RAD21: variants seen among roughly 807,000 people sequenced by gnomAD.
The protein encoded by RAD21 is double-strand-break repair protein rad21 homolog.
In RAD21, 18 loss-of-function variants were observed where a neutral mutation model predicts 71.5. That is an observed-to-expected ratio of 0.25 (90% CI 0.17 to 0.37). The LOEUF (loss-of-function observed/expected upper bound fraction) is 0.37, where lower values mean the gene tolerates loss of function less well. RAD21 is among the 10% of genes least tolerant of loss of function. RAD21 has a pLI of 1.00. For synonymous variants in RAD21, 248 were observed against 254.0 expected (o/e 0.98, Z 0.22); for missense variants, 493 against 769.1 (o/e 0.64, Z 4.25).
chr8:116,847,844 G>A (rs1169072045), intron 13 of RAD21, among the ~76,000 whole-genome samples, 153 bp from the exon 14 acceptor site: 1 of 152,090 alleles, frequency 6.6e-6, no homozygotes, highest in Non-Finnish European at 1.5e-5. Context: ...AGGTGTTTGT[G>A]TCATGGGGTG....
intron 4 of RAD21, among the ~76,000 whole-genome samples, chr8:116,859,100 GAA>G (rs34657051): frequency 0.019 from 1,651 of 88,920 alleles, 21 homozygotes; most frequent in African/African-American, 0.049. Flanking sequence ...CGAACTGGGA[GAA>G]AAAAAAAAAA....
intron 6 of RAD21, 110 bp downstream of exon 6, chr8:116,857,157 C>CAT: frequency 2.2e-6 from 2 of 895,314 alleles, no homozygotes; most frequent in Non-Finnish European, 3.4e-6. Flanking sequence ...ACAATTCACT[C>CAT]ATATATATCT....
intron 1 of RAD21, chr8:116,874,388 G>A (rs1330062698): frequency 5.7e-6 from 1 of 175,414 alleles, no homozygotes; most frequent in East Asian, 1.9e-4. Flanking sequence ...GCGGGCCCAA[G>A]CTGCATGGGT....
chr8:116,859,452 G>A (rs571659634), intron 4 of RAD21, among the ~76,000 whole-genome samples: 1 of 151,938 alleles, frequency 6.6e-6, no homozygotes, highest in Non-Finnish European at 1.5e-5. Flanking sequence ...TATTGCCCAG[G>A]CTAGTCTCAA....
At chr8:116,854,522 C>G (rs1812422453) in intron 8 of RAD21, 54 bp from the exon 9 acceptor site, 3 of 1,345,290 alleles carry the variant, frequency 2.2e-6, no homozygotes, top group Admixed American at 3.4e-5. Context: ...GCATGGAACA[C>G]ACAGCTACAA....
At chr8:116,848,760 A>AG (rs901842222) in intron 13 of RAD21, 186 bp downstream of exon 13, 1 of 434,472 alleles carries the variant, frequency 2.3e-6, no homozygotes, top group African/African-American at 2.5e-5. Flanking sequence ...TTAAACTATA[A>AG]TAAAAAAAAA....
intron 1 of RAD21, among the ~76,000 whole-genome samples, chr8:116,871,022 A>C (rs1331123117): frequency 6.6e-6 from 1 of 152,226 alleles, no homozygotes; most frequent in Non-Finnish European, 1.5e-5. Flanking sequence ...AGGAAGGCAG[A>C]GTGATGCTAA....
chr8:116,866,252 C>CG (rs1812688434), intron 2 of RAD21, among the ~76,000 whole-genome samples: 2 of 109,620 alleles, frequency 1.8e-5, no homozygotes, highest in Admixed American at 1.8e-4. Flanking sequence ...ACTTCCACGT[C>CG]GGTTTTTTTT....
intron 4 of RAD21, among the ~76,000 whole-genome samples, chr8:116,859,562 T>C (rs1812544431): frequency 3.9e-5 from 6 of 152,082 alleles, no homozygotes; most frequent in Admixed American, 3.9e-4. Context: ...GATGCTAGTA[T>C]TTTAATTATT....
intron 6 of RAD21, 41 bp downstream of exon 6, chr8:116,857,222 TAAAG>T (rs1317763573): frequency 2.0e-6 from 3 of 1,534,160 alleles, no homozygotes; most frequent in African/African-American, 1.4e-5. Context: ...TACAACTTAA[TAAAG>T]AAATTCTGTT....
chr8:116,848,873 C>CTTT, intron 13 of RAD21, 73 bp downstream of exon 13: 6 of 1,012,336 alleles, frequency 5.9e-6, no homozygotes, highest in Admixed American at 2.7e-5. Flanking sequence ...CAGCATCTAA[C>CTTT]TTTTTTTTTT....
chr8:116,849,108 C>T, intron 12 of RAD21, 79 bp from the exon 13 acceptor site: 1 of 952,978 alleles, frequency 1.0e-6, no homozygotes, highest in South Asian at 2.6e-5. Context: ...CCTAAAAGCT[C>T]CTAAATTACC....
chr8:116,874,508 C>T (rs1159403221), intron 1 of RAD21, 103 bp downstream of exon 1: 3 of 247,290 alleles, frequency 1.2e-5, no homozygotes, highest in African/African-American at 4.8e-5. Context: ...CCTTCTCCCT[C>T]GCCCTCCCGC....
Position 116,858,113 on chromosome 8 carries a change from G to A in RAD21, c.481+239C>T, listed in dbSNP as rs16888941. Among the ~76,000 whole-genome samples the A allele has an allele frequency of 0.026, 3,944 of 152,246 alleles. 183 individuals carry two copies. The highest frequency in any genetic ancestry group is 0.09 in the African/African-American group (3,740 of 41,518). On this transcript the variant is annotated intron_variant, in intron 5 of 13. Coordinates refer to ENST00000297338, the MANE Select transcript of RAD21 (RefSeq NM_006265.3). ...CACCACTTCAATGTTGGGACTCCTC[G>A]CAGAAATCAATATATAGGTTCTATG... is the stretch of plus-strand genomic sequence containing the variant.
intron 10 of RAD21, chr8:116,852,299 G>C: frequency 1.5e-6 from 1 of 645,898 alleles, no homozygotes; most frequent in Non-Finnish European, 2.5e-6. Flanking sequence ...AAAAGGACAA[G>C]TCCTACCCTC....
In RAD21 at chr8:116,857,490, T is replaced by A. The variant is rs761107968; in HGVS notation, c.482-17A>T. ...CAAAATCACCTAAACAAATTTTAATTTGTCATTAGTTTAGAAAGATTAGAA... is the reference window on the plus strand; with the variant it reads ...CAAAATCACCTAAACAAATTTTAATATGTCATTAGTTTAGAAAGATTAGAA... On this transcript the variant is annotated splice_polypyrimidine_tract_variant and intron_variant, in intron 5 of 13. Coordinates refer to ENST00000297338, the MANE Select transcript of RAD21 (RefSeq NM_006265.3). 1 of 1,597,098 alleles carries A rather than the reference T, an allele frequency of 6.3e-7. No homozygotes were observed. The highest frequency in any genetic ancestry group is 8.6e-7 in the Non-Finnish European group (1 of 1,166,920).
chr8:116,854,103 AC>A, intron 9 of RAD21, 141 bp downstream of exon 9: 1 of 631,330 alleles, frequency 1.6e-6, no homozygotes, highest in East Asian at 2.7e-5. Context: ...TATGCCCAGT[AC>A]ACTGTGATTT....
At position 116,852,601 on chromosome 8, in the gene RAD21, T is replaced by C. The variant is rs1237568570; in HGVS notation, c.1269A>G (p.Pro423=). ...GTTGCTGGTCCTCTCTAGGAACCTC[T>C]GGATTTTCAAATTCTTTGAGGAATT... is the stretch of plus-strand genomic sequence containing the variant. ...LDEFLKEFEN[P]EVPREDQQQQ... is the part of the protein sequence containing the mutation. Residue 423 remains proline (P), a synonymous_variant, in exon 10 of 14, where the codon CCA becomes CCG. Transcript: ENST00000297338. 5 of 1,613,632 alleles carry C rather than the reference T, an allele frequency of 3.1e-6. No individual in the cohort carries two copies. The highest frequency in any genetic ancestry group is 1.1e-5 in the South Asian group (1 of 91,052).
chr8:116,861,944 G>C lies in RAD21; in HGVS notation c.275-4C>G. 1 of 1,597,080 alleles carries C rather than the reference G, an allele frequency of 6.3e-7. No homozygotes were observed. The highest frequency in any genetic ancestry group is 1.1e-5 in the South Asian group (1 of 90,658). On this transcript the variant is annotated splice_polypyrimidine_tract_variant and splice_region_variant and intron_variant, in intron 3 of 13. Transcript: ENST00000297338. ...TCCTCAGGCAGGTCAACCACACCTA[G>C]AAAAGAAATGCTAAGCTTAAATATC...
Sources: allele counts gnomAD v4.1 joint callset (sites outside exome capture counted in the v4.1 genomes callset), GRCh38; gene constraint gnomAD v4.1.1; transcripts MANE v1.5; gene names NCBI Gene and HGNC (gene_info 2026-07-23, HGNC 2026-07-21).